Variants in PRIMA1 observed in about 807,000 individuals in gnomAD.
PRIMA1 encodes the protein proline rich membrane anchor 1.
PRIMA1 carries 7 observed loss-of-function variants against 17.5 expected under a neutral mutation model. The ratio of observed to expected loss-of-function variants is 0.40; its 90% CI spans 0.23 to 0.75. PRIMA1 has a LOEUF of 0.75. Among genes scored for constraint, PRIMA1 ranks in the 30% least tolerant of loss-of-function variants. The probability of loss-of-function intolerance (pLI) is 0.37; values close to 1 mark genes in which losing one functional copy is unlikely to be tolerated. For missense variants in PRIMA1, 200 were observed against 201.8 expected (o/e 0.99, Z 0.05); for synonymous variants, 97 against 77.9 (o/e 1.25, Z -1.29).
In PRIMA1 at chr14:93,726,072, G is replaced by T. The variant is rs1218597559; in HGVS notation, c.360-4526C>A. 2 of 456,272 alleles carry T rather than the reference G, an allele frequency of 4.4e-6. No homozygotes were observed. Among genetic ancestry groups the T allele is most frequent in the African/African-American group, 4.0e-5 (2 of 50,076 alleles). The allele number at this position is 456,272 out of a possible 1,614,324, so 28.3% of individuals were successfully genotyped here. ...GCACCCAGGATTCCTGCTTGTAGGA[G>T]GGTGGGCTCTGCCACCTTCAGACTT... On this transcript the variant is annotated intron_variant, in intron 4 of 4. Coordinates refer to ENST00000393140, the MANE Select transcript of PRIMA1 (RefSeq NM_178013.4). This position sits in a 1 kb window ranked among gnomAD's most constrained non-coding sequence, Gnocchi z 4.2.
chr14:93,758,608 A>G (rs1451152397), intron 3 of PRIMA1, among the ~76,000 whole-genome samples: 2 of 149,406 alleles, frequency 1.3e-5, no homozygotes, highest in East Asian at 1.9e-4. Context: ...AAAAAAAAAA[A>G]AAAAGAAAAA....
rs916730685 is a variant in PRIMA1 at position 93,726,906 on chromosome 14, T to C, written c.360-5360A>G. Among the ~76,000 whole-genome samples the C allele has an allele frequency of 6.6e-5, 10 of 152,138 alleles. No homozygotes were observed. Among genetic ancestry groups the C allele is most frequent in the Non-Finnish European group, 1.5e-4 (10 of 68,034 alleles). ...ATGCACACATACATATGAATACACA[T>C]ATGCATATGCATACCTACAGACATA... On this transcript the variant is annotated intron_variant, in intron 4 of 4. Coordinates refer to ENST00000393140, the MANE Select transcript of PRIMA1 (RefSeq NM_178013.4). The surrounding 1 kb of genome is among the most constrained non-coding windows in gnomAD (Gnocchi z 4.2).
rs1484911390 is a variant in PRIMA1 at position 93,787,702 on chromosome 14, A to G, written c.17T>C (p.Leu6Ser). 1 of 1,544,358 alleles carries G rather than the reference A, an allele frequency of 6.5e-7. No homozygotes were observed. Among genetic ancestry groups the G allele is most frequent in the Non-Finnish European group, 8.7e-7 (1 of 1,146,670 alleles). Residue 6 changes from leucine to serine, a missense_variant, in exon 2 of 5, where the codon TTG becomes TCG. Leu to Ser is a moderately radical substitution (Grantham distance 145, BLOSUM62 -2). Transcript: ENST00000393140. MLLRDLVLRRGCCWSS... is the reference protein window; with the variant it reads MLLRDSVLRRGCCWSS... ...CCAGCAGCAGCCACGGCGCAGCACCAAGTCCCGGAGGAGCATCTCGGCCAG... is the reference window on the plus strand; with the variant it reads ...CCAGCAGCAGCCACGGCGCAGCACCGAGTCCCGGAGGAGCATCTCGGCCAG...
chr14:93,752,365 C>T (rs1044352594), intron 3 of PRIMA1, among the ~76,000 whole-genome samples: 4 of 152,196 alleles, frequency 2.6e-5, no homozygotes, highest in Admixed American at 6.5e-5. Flanking sequence ...CCCCCGCCCC[C>T]GGCAAGCCAA....
In PRIMA1 at chr14:93,721,422, A is replaced by G; in HGVS notation, c.*22T>C. On this transcript the variant is annotated 3_prime_UTR_variant, in exon 5 of 5. Coordinates refer to ENST00000393140, the MANE Select transcript of PRIMA1 (RefSeq NM_178013.4). ...GTGCCACCAAGGTGTCCCTCTGGCC[A>G]GCGGGTCCAGGGCCTGCAGACTCAC... 2.6e-6 allele frequency: 4 copies of G among 1,532,786 alleles called. No individual in the cohort carries two copies. The highest frequency in any genetic ancestry group is 3.6e-6 in the Non-Finnish European group (4 of 1,107,086). The allele number at this position is 1,532,786 out of a possible 1,614,324, so 94.9% of individuals were successfully genotyped here.
rs1283224326 is a variant in PRIMA1 at position 93,720,053 on chromosome 14, C to A, written c.*1391G>T. ...CTTAAACACCTATCAGAGGAGCACA[C>A]TGGAGGTTTAGGAGGCAAACCAGGT... On this transcript the variant is annotated 3_prime_UTR_variant, in exon 5 of 5. Coordinates refer to ENST00000393140, the MANE Select transcript of PRIMA1 (RefSeq NM_178013.4). The A allele has an allele frequency of 6.6e-6, 1 of 152,278 alleles. No individual in the cohort carries two copies. Among genetic ancestry groups the A allele is most frequent in the East Asian group, 1.9e-4 (1 of 5,198 alleles). 9.4% of individuals were successfully genotyped at this position (152,278 alleles called of 1,614,324 possible).
At chr14:93,727,727 G>A (rs78013869) in intron 4 of PRIMA1, among the ~76,000 whole-genome samples, 31 of 152,314 alleles carry the variant, frequency 2.0e-4, no homozygotes, top group African/African-American at 3.6e-4. Context: ...ACACATGTGG[G>A]CATGCCCTTG....
rs1215997003 is a variant in PRIMA1, at chr14:93,719,508, A to C, written c.*1936T>G. On this transcript the variant is annotated 3_prime_UTR_variant, in exon 5 of 5. Coordinates refer to ENST00000393140, the MANE Select transcript of PRIMA1 (RefSeq NM_178013.4). ...ATGGGCACTTTCTCATGGTTGCAGCACAGGGTGGTGTGTGCTTAGGGCTAG... is the reference window on the plus strand; with the variant it reads ...ATGGGCACTTTCTCATGGTTGCAGCCCAGGGTGGTGTGTGCTTAGGGCTAG... 1.3e-5 allele frequency: 2 copies of C among 152,474 alleles called. No individual in the cohort carries two copies. The highest frequency in any genetic ancestry group is 4.8e-5 in the African/African-American group (2 of 41,462). 9.4% of individuals were successfully genotyped at this position (152,474 alleles called of 1,614,324 possible). A position where few individuals can be genotyped will look rare whatever the true frequency, so the allele number is the denominator to read the frequency against.
intron 3 of PRIMA1, among the ~76,000 whole-genome samples, chr14:93,747,655 AGTGT>A (rs750914474): frequency 3.7e-4 from 54 of 145,248 alleles, no homozygotes; most frequent in Middle Eastern, 7.7e-3. Context: ...ATTGTGTATG[AGTGT>A]GTGAGAGTGA....
Position 93,736,155 on chromosome 14 carries a change from G to A in PRIMA1, c.359+1086C>T, listed in dbSNP as rs539434234. Among the ~76,000 whole-genome samples, 7 of 152,284 alleles carry A rather than the reference G, an allele frequency of 4.6e-5. No homozygotes were observed. The South Asian group carries it at 8.3e-4, about 18-fold the overall frequency. On this transcript the variant is annotated intron_variant, in intron 4 of 4. Transcript: ENST00000393140. ...CTGAGGAAGGGCAGGCAGGAATACCGAGGTCTGTTCTTAGCCCAACACTGG... is the reference window on the plus strand; with the variant it reads ...CTGAGGAAGGGCAGGCAGGAATACCAAGGTCTGTTCTTAGCCCAACACTGG...
At chr14:93,772,204 T>C (rs1227997167) in intron 3 of PRIMA1, among the ~76,000 whole-genome samples, 1 of 152,234 alleles carries the variant, frequency 6.6e-6, no homozygotes, top group Non-Finnish European at 1.5e-5. Context: ...ACTTGGCCTT[T>C]GGCACATAGG....
At chr14:93,770,875 G>A (rs900039214) in intron 3 of PRIMA1, among the ~76,000 whole-genome samples, 3 of 152,152 alleles carry the variant, frequency 2.0e-5, no homozygotes, top group Admixed American at 6.5e-5. Flanking sequence ...TAGTAGCTAC[G>A]GAGGACTCAT....
At chr14:93,736,902 G>C (rs942311283) in intron 4 of PRIMA1, among the ~76,000 whole-genome samples, 2 of 152,048 alleles carry the variant, frequency 1.3e-5, no homozygotes, top group Non-Finnish European at 2.9e-5. Flanking sequence ...TATTTTTCAC[G>C]TTGCACTGGG....
At chr14:93,740,258 A>T (rs190565064) in intron 3 of PRIMA1, among the ~76,000 whole-genome samples, 1 of 152,274 alleles carries the variant, frequency 6.6e-6, no homozygotes, top group African/African-American at 2.4e-5. Flanking sequence ...ACCCAAAGGG[A>T]TTCTCATTTT....
chr14:93,731,125 C>A (rs1184600475), intron 4 of PRIMA1, among the ~76,000 whole-genome samples: 1 of 130,130 alleles, frequency 7.7e-6, no homozygotes, highest in Non-Finnish European at 1.7e-5. Context: ...CAGCTATGCA[C>A]AATATGTTCT....
intron 3 of PRIMA1, among the ~76,000 whole-genome samples, chr14:93,745,710 A>T (rs532130773): frequency 6.6e-6 from 1 of 152,326 alleles, no homozygotes; most frequent in African/African-American, 2.4e-5. Flanking sequence ...CTGCTGGGTT[A>T]TCACGGTTGT....
chr14:93,735,812 C>T (rs1269254810), intron 4 of PRIMA1, among the ~76,000 whole-genome samples: 1 of 151,916 alleles, frequency 6.6e-6, no homozygotes, highest in Non-Finnish European at 1.5e-5. Flanking sequence ...CTGCCTCAGC[C>T]TCCTGAGGCT....
In PRIMA1 at chr14:93,737,264, G is replaced by A. The variant is rs1298171850; in HGVS notation, c.336C>T (p.Ile112=). Residue 112 remains isoleucine (I), a synonymous_variant, in exon 4 of 5, where the codon ATC becomes ATT. Coordinates refer to ENST00000393140, the MANE Select transcript of PRIMA1 (RefSeq NM_178013.4). ...ACCTTTTTATGGCTTTGTAGCAAAT[G>A]ATGACAAGCACAGTCAGAAACACCA... The part of the protein sequence containing the change: ...ASLVFLTVLV[I]ICYKAIKRKP... 1.2e-6 allele frequency: 2 copies of A among 1,614,140 alleles called. No individual in the cohort carries two copies. Among genetic ancestry groups the A allele is most frequent in the South Asian group, 1.1e-5 (1 of 91,086 alleles).
At chr14:93,785,188 C>CAAAAAAA (rs386382197) in intron 2 of PRIMA1, among the ~76,000 whole-genome samples, 9 of 110,048 alleles carry the variant, frequency 8.2e-5, no homozygotes, top group East Asian at 2.7e-4. Context: ...TCTTCTCTTT[C>CAAAAAAA]AAAAAAAAAA....
Sources: gnomAD v4.1 joint callset for allele counts (sites outside exome capture counted in the v4.1 genomes callset) on GRCh38, gnomAD v4.1.1 for gene constraint, Gnocchi (gnomAD v3.1) non-coding constraint, MANE v1.5 for transcripts, NCBI Gene and HGNC (gene_info 2026-07-23, HGNC 2026-07-21) for gene names.